Variants in MTMR7 observed in about 807,000 individuals in gnomAD.
MTMR7 encodes the protein phosphatidylinositol-3-phosphate phosphatase MTMR7.
In MTMR7, 76 loss-of-function variants were observed where a neutral mutation model predicts 81.2. That is an observed-to-expected ratio of 0.94 (90% CI 0.78 to 1.13). The LOEUF (loss-of-function observed/expected upper bound fraction) is 1.13. MTMR7 is among the 50% of genes most tolerant of loss of function. The pLI is 0.00. For missense variants in MTMR7, 1,044 were observed against 820.0 expected, an observed-to-expected ratio of 1.27 and a Z score of -3.34; for synonymous variants, 372 against 289.8, an observed-to-expected ratio of 1.28 and a Z score of -2.88.
intron 12 of MTMR7, among the ~76,000 whole-genome samples, chr8:17,302,704 C>CCA (rs66521951): frequency 3.2e-4 from 4 of 12,594 alleles, no homozygotes; most frequent in Non-Finnish European, 1.2e-3. Context: ...TTGGCAATAA[C>CCA]CCCCCCCCCC....
chr8:17,319,785 T>C (rs1818287638), intron 7 of MTMR7, among the ~76,000 whole-genome samples: 1 of 152,180 alleles, frequency 6.6e-6, no homozygotes. Context: ...AGTCTGGCTC[T>C]TAATTAATGC....
At chr8:17,321,657 T>C (rs930251407) in intron 7 of MTMR7, among the ~76,000 whole-genome samples, 3 of 152,224 alleles carry the variant, frequency 2.0e-5, no homozygotes, top group Non-Finnish European at 2.9e-5. Flanking sequence ...GAAATACTTA[T>C]TTGTTCACTC....
chr8:17,304,486 G>C lies in MTMR7; in HGVS notation c.1386C>G (p.His462Gln). The C allele has an allele frequency of 6.2e-7, 1 of 1,613,982 alleles. No individual in the cohort carries two copies. Among genetic ancestry groups the C allele is most frequent in the South Asian group, 1.1e-5 (1 of 91,066 alleles). ...IQERTYSLWA[H>Q]LWKNRADYLN... ...GGTAGTCGGCCCGATTCTTCCACAGGTGAGCCCATAATGAGTATGTTCTTT... is the reference window on the plus strand; with the variant it reads ...GGTAGTCGGCCCGATTCTTCCACAGCTGAGCCCATAATGAGTATGTTCTTT... The change falls in exon 12 of 14, where the codon CAC becomes CAG. Residue 462 changes from histidine to glutamine, a missense_variant. Physicochemically the swap from His to Gln is conservative, Grantham distance 24. Transcript: ENST00000180173.
chr8:17,410,334 G>A (rs534600313), intron 1 of MTMR7, among the ~76,000 whole-genome samples: 1 of 152,104 alleles, frequency 6.6e-6, no homozygotes, highest in Non-Finnish European at 1.5e-5. Context: ...CCAGGATCCT[G>A]GACACATTTG....
rs11987652 is a variant in MTMR7 at position 17,332,581 on chromosome 8, A to C, written c.733-1299T>G. Among the ~76,000 whole-genome samples the C allele has an allele frequency of 2.4e-3, 373 of 152,306 alleles. 2 individuals carry two copies. Among genetic ancestry groups the C allele is most frequent in the Non-Finnish European group, 2.8e-3 (192 of 68,030 alleles). The stretch of plus-strand genomic sequence containing the variant: ...TTGGAAGTTGAAAATGCCGTAAGTG[A>C]AAAGTGCATGGCAAACTGGGAGCTG... On this transcript the variant is annotated intron_variant, in intron 6 of 13. Coordinates refer to ENST00000180173, the MANE Select transcript of MTMR7 (RefSeq NM_004686.5).
rs149969506 is a variant in MTMR7, at chr8:17,351,857, T to C, written c.469-2776A>G. On this transcript the variant is annotated intron_variant, in intron 4 of 13. Transcript: ENST00000180173. ...CTTACCAAGCTAGAAGCATGGATATTTGTCCTGCTTTCATCAAAGTAGACA... is the reference window on the plus strand; with the variant it reads ...CTTACCAAGCTAGAAGCATGGATATCTGTCCTGCTTTCATCAAAGTAGACA... Among the ~76,000 whole-genome samples, 597 of 152,336 alleles carry C rather than the reference T, an allele frequency of 3.9e-3. 2 individuals are homozygous for C. The highest frequency in any genetic ancestry group is 0.013 in the African/African-American group (554 of 41,566).
chr8:17,372,108 T>C (rs1563364311), intron 2 of MTMR7, among the ~76,000 whole-genome samples: 1 of 152,118 alleles, frequency 6.6e-6, no homozygotes, highest in Admixed American at 6.5e-5. Context: ...GAAATCATAC[T>C]GAAGTGCATC....
intron 7 of MTMR7, among the ~76,000 whole-genome samples, chr8:17,330,194 G>A (rs191523569): frequency 5.9e-4 from 90 of 152,318 alleles, no homozygotes; most frequent in Non-Finnish European, 1.0e-3. Flanking sequence ...AACGAAGAAC[G>A]GCTTAAGTAA....
intron 6 of MTMR7, among the ~76,000 whole-genome samples, chr8:17,334,111 G>T (rs925939120): frequency 1.3e-5 from 2 of 152,134 alleles, no homozygotes; most frequent in African/African-American, 2.4e-5. Flanking sequence ...ATAACCTCCT[G>T]AACATCAATG....
Position 17,299,561 on chromosome 8 carries a change from A to AGAT in MTMR7, c.*298_*300dup. The AGAT allele has an allele frequency of 3.4e-6, 1 of 294,216 alleles. No homozygotes were observed. Among genetic ancestry groups the AGAT allele is most frequent in the East Asian group, 6.7e-5 (1 of 14,844 alleles). The allele number at this position is 294,216 out of a possible 1,614,324, so 18.2% of individuals were successfully genotyped here. The stretch of plus-strand genomic sequence containing the variant: ...AGATGCATGCTATGACAAGGAAGAT[A>AGAT]GATACTGATCACTTCAGGTAATGAC... On this transcript the variant is annotated 3_prime_UTR_variant, in exon 14 of 14. Transcript: ENST00000180173.
At chr8:17,374,228 G>C (rs1820502985) in intron 1 of MTMR7, among the ~76,000 whole-genome samples, 1 of 152,208 alleles carries the variant, frequency 6.6e-6, no homozygotes, top group Non-Finnish European at 1.5e-5. Context: ...CCTCACATCT[G>C]TAATCCCAGC....
chr8:17,300,894 T>A (rs1175158834), intron 13 of MTMR7, among the ~76,000 whole-genome samples: 1 of 152,252 alleles, frequency 6.6e-6, no homozygotes, highest in East Asian at 1.9e-4. Flanking sequence ...TGTATCTGGC[T>A]TCCTTCACTT....
At chr8:17,384,455 C>T (rs1307024493) in intron 1 of MTMR7, among the ~76,000 whole-genome samples, 2 of 152,098 alleles carry the variant, frequency 1.3e-5, no homozygotes, top group African/African-American at 4.8e-5. Context: ...ATATCCATAA[C>T]ACAGACTTCA....
At chr8:17,318,231 G>A (rs1173841499) in intron 7 of MTMR7, among the ~76,000 whole-genome samples, 1 of 152,088 alleles carries the variant, frequency 6.6e-6, no homozygotes, top group Non-Finnish European at 1.5e-5. Context: ...AAGCCCCCAA[G>A]ATAAGGAATT....
intron 6 of MTMR7, among the ~76,000 whole-genome samples, chr8:17,335,897 A>G (rs1819221318): frequency 6.6e-6 from 1 of 152,206 alleles, no homozygotes; most frequent in South Asian, 2.1e-4. Flanking sequence ...GCCGCCTTAC[A>G]GGCTGTGTGG....
chr8:17,312,977 C>A (rs1817876020), intron 8 of MTMR7, among the ~76,000 whole-genome samples: 1 of 152,206 alleles, frequency 6.6e-6, no homozygotes, highest in East Asian at 1.9e-4. Context: ...GCCCCAAGCC[C>A]CATCACTGAA....
intron 3 of MTMR7, among the ~76,000 whole-genome samples, chr8:17,364,419 T>G (rs560459842): frequency 1.3e-5 from 2 of 152,320 alleles, no homozygotes; most frequent in East Asian, 1.9e-4. Flanking sequence ...TATTTAACAT[T>G]TTTTGTAACG....
rs1296369762 is a variant in MTMR7 at position 17,309,319 on chromosome 8, A to G, written c.1109T>C (p.Ile370Thr). Residue 370 changes from isoleucine to threonine, a missense_variant, in exon 10 of 14, where the codon ATT (isoleucine) becomes ACT (threonine). Coordinates refer to ENST00000180173, the MANE Select transcript of MTMR7 (RefSeq NM_004686.5). ...YRTLKGFMVL[I>T]EKDWISFGHK... Reference sequence around the variant, plus strand: ...ACCAAAGGAAATCCAGTCCTTTTCAATTAATACCTACACAAGAAAGAATAC... The same window carrying G: ...ACCAAAGGAAATCCAGTCCTTTTCAGTTAATACCTACACAAGAAAGAATAC... 5 of 1,560,918 alleles carry G rather than the reference A, an allele frequency of 3.2e-6. No homozygotes were observed. In the Admixed American group the frequency reaches 5.1e-5, roughly 16 times the overall value.
intron 1 of MTMR7, among the ~76,000 whole-genome samples, chr8:17,382,071 A>G (rs1399707428): frequency 6.6e-6 from 1 of 152,246 alleles, no homozygotes; most frequent in Non-Finnish European, 1.5e-5. Flanking sequence ...GAAAATGCAT[A>G]CAATAATGAC....
Sources: allele counts gnomAD v4.1 joint callset (sites outside exome capture counted in the v4.1 genomes callset), GRCh38; gene constraint gnomAD v4.1.1; transcripts MANE v1.5; gene names NCBI Gene and HGNC (gene_info 2026-07-23, HGNC 2026-07-21).